CCBE1: variants seen among roughly 807,000 people sequenced by gnomAD.
CCBE1 encodes collagen and calcium-binding EGF domain-containing protein 1.
In CCBE1, 37 loss-of-function variants were observed where a neutral mutation model predicts 50.0. That is an observed-to-expected ratio of 0.74 (90% CI 0.57 to 0.97). CCBE1 has a LOEUF of 0.97. CCBE1 is among the 50% of genes least tolerant of loss of function. The pLI is 0.00. For missense variants in CCBE1, 538 were observed against 523.8 expected (o/e 1.03, Z -0.26); for synonymous variants, 234 against 203.7 (o/e 1.15, Z -1.27).
chr18:59,556,914 A>C (rs1012972907), intron 2 of CCBE1, among the ~76,000 whole-genome samples: 1 of 152,218 alleles, frequency 6.6e-6, no homozygotes, highest in African/African-American at 2.4e-5. Context: ...GCTAAGCTGG[A>C]ATTGTATTTC....
chr18:59,642,681 G>A (rs545994789), intron 2 of CCBE1, among the ~76,000 whole-genome samples: 1 of 152,272 alleles, frequency 6.6e-6, no homozygotes, highest in African/African-American at 2.4e-5. Context: ...CGGGCGCGGT[G>A]GCTCACGCCT....
At chr18:59,484,387 C>G (rs984145871) in intron 2 of CCBE1, among the ~76,000 whole-genome samples, 22 of 152,218 alleles carry the variant, frequency 1.4e-4, no homozygotes, top group African/African-American at 5.3e-4. Context: ...TTTAATGCTG[C>G]ATTTAAGATA....
At position 59,562,645 on chromosome 18, in the gene CCBE1, G is replaced by T. The variant is rs2052757646; in HGVS notation, c.213-82407C>A. Reference sequence around the variant, plus strand: ...TCCAGGTGTTTTTCCCATCCACACAGTACACTTTTGTTACCTGTTACTCCC... The same window carrying T: ...TCCAGGTGTTTTTCCCATCCACACATTACACTTTTGTTACCTGTTACTCCC... On this transcript the variant is annotated intron_variant, in intron 2 of 10. Coordinates refer to ENST00000439986, the MANE Select transcript of CCBE1 (RefSeq NM_133459.4). Among the ~76,000 whole-genome samples the T allele has an allele frequency of 3.3e-5, 5 of 152,316 alleles. No homozygotes were observed. In the South Asian group the frequency reaches 1.0e-3, roughly 32 times the overall value.
At chr18:59,549,316 C>G (rs1293267501) in intron 2 of CCBE1, among the ~76,000 whole-genome samples, 2 of 152,074 alleles carry the variant, frequency 1.3e-5, no homozygotes, top group African/African-American at 2.4e-5. Context: ...AGCCATTCTT[C>G]TTATTCTTCT....
chr18:59,607,453 A>G (rs1348234732), intron 2 of CCBE1, among the ~76,000 whole-genome samples: 6 of 152,218 alleles, frequency 3.9e-5, no homozygotes, highest in African/African-American at 1.4e-4. Context: ...ACAGACATAT[A>G]ATGAACTATG....
At chr18:59,691,318 C>CT (rs1198123543) in intron 2 of CCBE1, among the ~76,000 whole-genome samples, 1 of 152,234 alleles carries the variant, frequency 6.6e-6, no homozygotes, top group Non-Finnish European at 1.5e-5. Flanking sequence ...GAGAAGCTGC[C>CT]TTCAGCATGC....
At chr18:59,620,273 G>T (rs746913012) in intron 2 of CCBE1, among the ~76,000 whole-genome samples, 7 of 152,134 alleles carry the variant, frequency 4.6e-5, no homozygotes, top group African/African-American at 7.2e-5. Context: ...AGATTACCCT[G>T]GCTAAACAAG....
At chr18:59,445,542 A>G (rs1158832991) in intron 7 of CCBE1, among the ~76,000 whole-genome samples, 3 of 152,242 alleles carry the variant, frequency 2.0e-5, no homozygotes, top group African/African-American at 4.8e-5. Flanking sequence ...TCCAGCAAAT[A>G]AAACAAAGAA....
At chr18:59,485,584 A>ATTTATT (rs1912776913) in intron 2 of CCBE1, among the ~76,000 whole-genome samples, 1 of 140,856 alleles carries the variant, frequency 7.1e-6, no homozygotes, top group African/African-American at 2.6e-5. Context: ...GATATATCAG[A>ATTTATT]TATTTATTTA....
Position 59,477,809 on chromosome 18 carries a change from T to C in CCBE1, c.265+2377A>G, listed in dbSNP as rs183125021. On this transcript the variant is annotated intron_variant, in intron 3 of 10. Transcript: ENST00000439986. Reference sequence around the variant, plus strand: ...AGCATGTCAGATGAACATACAACTTTGTTATTGCCTTTATCTGGAGATTAG... The same window carrying C: ...AGCATGTCAGATGAACATACAACTTCGTTATTGCCTTTATCTGGAGATTAG... 3.5e-3 allele frequency among the ~76,000 whole-genome samples: 535 copies of C among 152,288 alleles called. 3 individuals are homozygous for C. The highest frequency in any genetic ancestry group is 6.3e-3 in the Non-Finnish European group (430 of 68,020).
chr18:59,492,912 T>C (rs910631065), intron 2 of CCBE1, among the ~76,000 whole-genome samples: 2 of 152,200 alleles, frequency 1.3e-5, no homozygotes, highest in East Asian at 3.8e-4. Flanking sequence ...GTCTAGAGCC[T>C]TCCTTGTAAA....
intron 2 of CCBE1, among the ~76,000 whole-genome samples, chr18:59,623,755 C>G (rs957403425): frequency 6.6e-6 from 1 of 152,108 alleles, no homozygotes; most frequent in African/African-American, 2.4e-5. Flanking sequence ...CTACCAGCAA[C>G]AGACAGGGGA....
At chr18:59,461,300 C>CTTTT (rs11379671) in intron 5 of CCBE1, among the ~76,000 whole-genome samples, 2 of 133,690 alleles carry the variant, frequency 1.5e-5, no homozygotes, top group African/African-American at 5.5e-5. Flanking sequence ...AGTGGAGGCA[C>CTTTT]TTTTTTTTTT....
At chr18:59,658,403 ATATATATATATAT>A (rs2054233007) in intron 2 of CCBE1, among the ~76,000 whole-genome samples, 1 of 58,844 alleles carries the variant, frequency 1.7e-5, no homozygotes, top group Non-Finnish European at 3.1e-5. Flanking sequence ...ATATATATAT[ATATATATATATAT>A]AAAGTTAGCT....
At chr18:59,543,850 A>C (rs9946283) in intron 2 of CCBE1, among the ~76,000 whole-genome samples, 4 of 131,432 alleles carry the variant, frequency 3.0e-5, no homozygotes, top group African/African-American at 8.4e-5. Context: ...AAAAAAAAAA[A>C]AAAAAAAACA....
chr18:59,659,701 T>C (rs1443230982), intron 2 of CCBE1, among the ~76,000 whole-genome samples: 1 of 152,182 alleles, frequency 6.6e-6, no homozygotes, highest in Non-Finnish European at 1.5e-5. Flanking sequence ...CTGATGACAG[T>C]GCCCAGTGAC....
intron 2 of CCBE1, among the ~76,000 whole-genome samples, chr18:59,669,158 G>C (rs1599120088): frequency 6.6e-6 from 1 of 152,054 alleles, no homozygotes; most frequent in Non-Finnish European, 1.5e-5. Context: ...TTATAAAGAT[G>C]AAGTATTGCC....
chr18:59,560,965 A>C (rs2052728161), intron 2 of CCBE1, among the ~76,000 whole-genome samples: 2 of 152,238 alleles, frequency 1.3e-5, no homozygotes, highest in South Asian at 4.1e-4. Flanking sequence ...ATGGGGCCTA[A>C]GGCACTCCTA....
At chr18:59,560,587 G>A (rs2052721581) in intron 2 of CCBE1, among the ~76,000 whole-genome samples, 1 of 152,126 alleles carries the variant, frequency 6.6e-6, no homozygotes, top group Non-Finnish European at 1.5e-5. Flanking sequence ...TGCACGTTCT[G>A]CACACGTATC....
Sources: gnomAD v4.1 joint callset for allele counts (sites outside exome capture counted in the v4.1 genomes callset) on GRCh38, gnomAD v4.1.1 for gene constraint, MANE v1.5 for transcripts, NCBI Gene and HGNC (gene_info 2026-07-23, HGNC 2026-07-21) for gene names.